Variants in CCDC73 observed in about 807,000 individuals in gnomAD.
CCDC73 encodes coiled-coil domain containing 73, also known as coiled-coil domain-containing protein 73.
Under a neutral mutation model 116.5 loss-of-function variants are expected in CCDC73, and 95 were observed. The observed-to-expected ratio is 0.82, with a 90% CI of 0.69 to 0.97. The LOEUF is 0.97. Among genes scored for constraint, CCDC73 ranks in the 50% least tolerant of loss-of-function variants. CCDC73 has a pLI of 0.00. For synonymous variants in CCDC73, 398 were observed against 401.3 expected (o/e 0.99, Z 0.10); for missense variants, 1,066 against 1,206.8 (o/e 0.88, Z 1.73).
At position 32,778,266 on chromosome 11, in the gene CCDC73, T is replaced by C. The variant is rs541246118; in HGVS notation, c.-16+16347A>G. Among the ~76,000 whole-genome samples, 57 of 152,314 alleles carry C rather than the reference T, an allele frequency of 3.7e-4. 1 individual carries two copies. In the South Asian group the frequency reaches 7.3e-3, roughly 19 times the overall value. ...ATGGGGTTAAGGCCCAGCAATCCTG[T>C]GTTTTAACAAATTACTAAAGTGTGA... On this transcript the variant is annotated intron_variant, in intron 1 of 17. Transcript: ENST00000335185.
At chr11:32,648,439 T>A (rs1328551514) in intron 12 of CCDC73, among the ~76,000 whole-genome samples, 2 of 152,258 alleles carry the variant, frequency 1.3e-5, no homozygotes, top group African/African-American at 4.8e-5. Flanking sequence ...AGTTTATTCA[T>A]GTTCATCTTT....
intron 4 of CCDC73, among the ~76,000 whole-genome samples, chr11:32,702,085 T>C (rs546149070): frequency 3.9e-5 from 6 of 152,334 alleles, no homozygotes; most frequent in African/African-American, 1.4e-4. Flanking sequence ...TGGTTAGGCC[T>C]ATCTCAGATT....
the CCDC73 span, chr11:32,830,507 G>A: frequency 7.9e-6 from 12 of 1,511,204 alleles, no homozygotes; most frequent in Non-Finnish European, 1.1e-5. Flanking sequence ...GTTTGTTTTA[G>A]TTTGTTTGAC....
upstream of CCDC73, among the ~76,000 whole-genome samples, chr11:32,795,005 TAA>T (rs1280210717): frequency 4.6e-5 from 7 of 151,246 alleles, no homozygotes; most frequent in African/African-American, 1.5e-4. Flanking sequence ...ATTCGTTTTT[TAA>T]AAAAAAAGTC....
the CCDC73 span, among the ~76,000 whole-genome samples, chr11:32,828,275 G>T: frequency 6.6e-6 from 1 of 152,080 alleles, no homozygotes; most frequent in Admixed American, 6.5e-5. Flanking sequence ...TTGGGAGGCC[G>T]AGGTAGGTGG....
intron 14 of CCDC73, among the ~76,000 whole-genome samples, chr11:32,634,807 G>A (rs765952768): frequency 1.3e-5 from 2 of 152,108 alleles, no homozygotes; most frequent in Non-Finnish European, 2.9e-5. Context: ...ATTTAAAAAT[G>A]AGGTCAATAT....
At chr11:32,700,218 C>G (rs1278668223) in intron 5 of CCDC73, among the ~76,000 whole-genome samples, 1 of 151,668 alleles carries the variant, frequency 6.6e-6, no homozygotes, top group African/African-American at 2.4e-5. Context: ...TACAGAAGAC[C>G]TTTGGCTAAA....
In CCDC73 at chr11:32,613,514, C is replaced by G. The variant is rs1412054975; in HGVS notation, c.2804G>C (p.Arg935Thr). ...TPCISLLLKE[R>T]PLDPSENKKI... ...TTTGTTTTCTGATGGATCTAGTGGT[C>G]TCTCCTTCAGCAACAAAGAAATGCA... Residue 935 changes from arginine to threonine, a missense_variant, in exon 16 of 18, where the codon AGA becomes ACA. Arg to Thr is a moderately conservative substitution (Grantham distance 71, BLOSUM62 -1). Transcript: ENST00000335185. 15 of 1,614,070 alleles carry G rather than the reference C, an allele frequency of 9.3e-6. No individual in the cohort carries two copies. Among genetic ancestry groups the G allele is most frequent in the Non-Finnish European group, 1.3e-5 (15 of 1,179,980 alleles).
At chr11:32,693,344 TG>T (rs926937792) in intron 6 of CCDC73, among the ~76,000 whole-genome samples, 4 of 152,306 alleles carry the variant, frequency 2.6e-5, no homozygotes, top group Admixed American at 2.6e-4. Flanking sequence ...AGTTTCAACT[TG>T]GGGGGTTGGG....
intron 2 of CCDC73, among the ~76,000 whole-genome samples, chr11:32,738,630 T>C (rs1050840221): frequency 6.6e-6 from 1 of 152,168 alleles, no homozygotes; most frequent in African/African-American, 2.4e-5. Context: ...TTTGCAAATA[T>C]TTTCTCCCGT....
rs926589203 is a variant in CCDC73, at chr11:32,613,754, C to T, written c.2564G>A (p.Gly855Glu). ...KTESLNDIVS[G>E]KMFSEGQLEE... ...CAGCTGTCCTTCACTGAACATTTTT[C>T]CTGAAACAATGTCATTTAATGATTC... The change falls in exon 16 of 18, where the codon GGA becomes GAA. Residue 855 changes from glycine (G) to glutamate (E), a missense_variant. Transcript: ENST00000335185. 4 of 1,613,890 alleles carry T rather than the reference C, an allele frequency of 2.5e-6. No individual in the cohort carries two copies. The highest frequency in any genetic ancestry group is 2.5e-6 in the Non-Finnish European group (3 of 1,179,880).
At chr11:32,639,314 T>C (rs552782255) in intron 13 of CCDC73, among the ~76,000 whole-genome samples, 22 of 152,340 alleles carry the variant, frequency 1.4e-4, no homozygotes, top group African/African-American at 5.3e-4. Flanking sequence ...TTGTGATTAA[T>C]TCCATAGTTA....
At chr11:32,612,311 G>A (rs1855428639) in intron 16 of CCDC73, among the ~76,000 whole-genome samples, 1 of 151,868 alleles carries the variant, frequency 6.6e-6, no homozygotes, top group South Asian at 2.1e-4. Context: ...GCTATTAAAA[G>A]AAAACATGCT....
At chr11:32,716,689 G>A (rs1337125129) in intron 3 of CCDC73, among the ~76,000 whole-genome samples, 1 of 152,146 alleles carries the variant, frequency 6.6e-6, no homozygotes, top group East Asian at 1.9e-4. Flanking sequence ...AGCCTCCCGA[G>A]GAGCTAGGAC....
rs576544178 is a variant in CCDC73, at chr11:32,672,576, G to A, written c.645+2989C>T. ...ACCAAAGAGACATCAATGAAAATGT[G>A]TTTATTCACACCTACTGATTTAATA... On this transcript the variant is annotated intron_variant, in intron 9 of 17. Transcript: ENST00000335185. Among the ~76,000 whole-genome samples the A allele has an allele frequency of 2.9e-4, 44 of 152,026 alleles. 1 individual carries two copies. Among genetic ancestry groups the A allele is most frequent in the Non-Finnish European group, 4.7e-4 (32 of 68,006 alleles).
At chr11:32,688,009 A>G (rs1405025761) in intron 6 of CCDC73, among the ~76,000 whole-genome samples, 1 of 152,194 alleles carries the variant, frequency 6.6e-6, no homozygotes, top group Non-Finnish European at 1.5e-5. Flanking sequence ...AAATATTTTA[A>G]TCCATTGTAC....
intron 2 of CCDC73, among the ~76,000 whole-genome samples, chr11:32,732,163 T>C (rs111671365): frequency 2.0e-5 from 3 of 152,282 alleles, no homozygotes; most frequent in African/African-American, 7.2e-5. Flanking sequence ...GAAGAAAGGG[T>C]ATCAGTGATT....
chr11:32,812,962 GA>G, the CCDC73 span, among the ~76,000 whole-genome samples: 90 of 152,238 alleles, frequency 5.9e-4, no homozygotes, highest in Non-Finnish European at 1.0e-3. Flanking sequence ...ATCACATTTA[GA>G]AAAAAGGAAT....
At chr11:32,674,414 A>C (rs376146667) in intron 9 of CCDC73, among the ~76,000 whole-genome samples, 12 of 152,100 alleles carry the variant, frequency 7.9e-5, no homozygotes, top group African/African-American at 2.9e-4. Flanking sequence ...TCTTGTACCA[A>C]CTCTCCCTTT....
Sources: gnomAD v4.1 joint callset for allele counts (sites outside exome capture counted in the v4.1 genomes callset) on GRCh38, gnomAD v4.1.1 for gene constraint, MANE v1.5 for transcripts, NCBI Gene and HGNC (gene_info 2026-07-23, HGNC 2026-07-21) for gene names.